Variants in CCSER2 observed in about 807,000 individuals in gnomAD.
The protein encoded by CCSER2 is serine-rich coiled-coil domain-containing protein 2.
In CCSER2, 46 loss-of-function variants were observed where a neutral mutation model predicts 92.3. The observed-to-expected ratio is 0.50, with a 90% confidence interval of 0.39 to 0.64. The LOEUF (loss-of-function observed/expected upper bound fraction) is 0.64. Among genes scored for constraint, CCSER2 ranks in the 30% least tolerant of loss-of-function variants. The pLI, the probability that CCSER2 is intolerant of heterozygous loss-of-function variation, is 0.00. For missense variants in CCSER2, 1,244 were observed against 1,238.9 expected (o/e 1.00, Z -0.06); for synonymous variants, 433 against 431.4 (o/e 1.00, Z -0.04).
intron 9 of CCSER2, among the ~76,000 whole-genome samples, chr10:84,506,141 T>TA (rs3044062): frequency 0.21 from 30,844 of 145,828 alleles, 3,421 homozygotes; most frequent in Admixed American, 0.34. Flanking sequence ...CTTTGATACT[T>TA]AAAAAAAAAA....
In CCSER2 at chr10:84,371,550, C is replaced by CA; in HGVS notation, c.500dup (p.Asn167LysfsTer18). 6.2e-7 allele frequency: 1 copy of CA among 1,613,674 alleles called. No individual in the cohort carries two copies. Among genetic ancestry groups the CA allele is most frequent in the Non-Finnish European group, 8.5e-7 (1 of 1,179,776 alleles). On this transcript the variant is annotated frameshift_variant, in exon 2 of 10. Transcript: ENST00000372088. LOFTEE classifies it high-confidence loss of function. ...TAGGAAGGACTTCATATTCTTCGAT[C>CA]AATACTCCAAAATCACAGTTGAATG...
In CCSER2 at chr10:84,441,734, ATGTTTTTTTTTTTTTTTTTTTTTTT is replaced by A. The variant is rs1437355484; in HGVS notation, c.2064+3029_2064+3053del. On this transcript the variant is annotated intron_variant, in intron 6 of 9. Transcript: ENST00000372088. ...GGGAATAAAGTAGAAGACTGGGAAA[ATGTTTTTTTTTTTTTTTTTTTTTTT>A]TTTTTTTTTTTTTTTTTGAGACGAA... Among the ~76,000 whole-genome samples the A allele has an allele frequency of 2.5e-4, 27 of 106,450 alleles. 2 individuals are homozygous for A. Among genetic ancestry groups the A allele is most frequent in the East Asian group, 1.1e-3 (4 of 3,800 alleles). The allele number at this position is 106,450 out of a possible 152,430, so 69.8% of individuals were successfully genotyped here.
chr10:84,391,260 A>T, intron 3 of CCSER2: 2 of 1,424,740 alleles, frequency 1.4e-6, no homozygotes, highest in Non-Finnish European at 9.9e-7. Context: ...AACAATGCTC[A>T]ACCAGATCAA....
chr10:84,501,364 C>T (rs961463267), intron 9 of CCSER2, among the ~76,000 whole-genome samples: 3 of 152,094 alleles, frequency 2.0e-5, no homozygotes, highest in Non-Finnish European at 2.9e-5. Context: ...ATTAGCACAC[C>T]CACCTGTGTA....
At chr10:84,488,752 G>A (rs1021730320) in intron 9 of CCSER2, among the ~76,000 whole-genome samples, 1 of 152,110 alleles carries the variant, frequency 6.6e-6, no homozygotes, top group African/African-American at 2.4e-5. Context: ...GTTCTGCTCT[G>A]ATCTTAGTTA....
At chr10:84,436,634 C>CAA (rs71013322) in intron 5 of CCSER2, among the ~76,000 whole-genome samples, 17,758 of 93,568 alleles carry the variant, frequency 0.19, 1,745 homozygotes, top group East Asian at 0.34. Flanking sequence ...GACTCCGTCT[C>CAA]AAAAAAAAAA....
chr10:84,350,137 C>T (rs1436013539), intron 1 of CCSER2, among the ~76,000 whole-genome samples: 1 of 152,126 alleles, frequency 6.6e-6, no homozygotes, highest in African/African-American at 2.4e-5. Context: ...TGGGTGACAG[C>T]GAGATTCCGT....
intron 3 of CCSER2, among the ~76,000 whole-genome samples, chr10:84,413,062 T>G (rs867778580): frequency 1.3e-5 from 2 of 152,122 alleles, no homozygotes; most frequent in African/African-American, 4.8e-5. Context: ...TAGCTAGTTG[T>G]CTATTTTATT....
intron 1 of CCSER2, among the ~76,000 whole-genome samples, chr10:84,338,320 A>C (rs1327746431): frequency 5.3e-5 from 8 of 151,818 alleles, no homozygotes; most frequent in Middle Eastern, 3.4e-3. Flanking sequence ...AAAAAACCCC[A>C]AAAACAACAA....
At chr10:84,432,591 T>C (rs1285688271) in intron 5 of CCSER2, among the ~76,000 whole-genome samples, 2 of 152,270 alleles carry the variant, frequency 1.3e-5, no homozygotes, top group African/African-American at 4.8e-5. Flanking sequence ...TATTCTCTTG[T>C]TGAGTTTTAA....
intron 5 of CCSER2, among the ~76,000 whole-genome samples, chr10:84,436,313 G>C (rs1844126674): frequency 1.1e-5 from 1 of 93,286 alleles, no homozygotes; most frequent in Non-Finnish European, 1.9e-5. Context: ...GCGACAGAGC[G>C]AGACTCCGTC....
At chr10:84,361,056 C>T (rs1175012417) in intron 1 of CCSER2, among the ~76,000 whole-genome samples, 1 of 152,122 alleles carries the variant, frequency 6.6e-6, no homozygotes, top group African/African-American at 2.4e-5. Flanking sequence ...CAGAAGGAGG[C>T]AGGGAAGTGA....
At chr10:84,474,025 C>T (rs756430803) in intron 8 of CCSER2, among the ~76,000 whole-genome samples, 9 of 152,164 alleles carry the variant, frequency 5.9e-5, no homozygotes, top group East Asian at 1.9e-4. Context: ...CAGATTGCAG[C>T]GCTCTGAGAA....
intron 5 of CCSER2, among the ~76,000 whole-genome samples, chr10:84,430,910 A>G (rs942191281): frequency 1.3e-5 from 2 of 152,204 alleles, no homozygotes; most frequent in Non-Finnish European, 2.9e-5. Context: ...TTATTCTGGC[A>G]GTGTTTCTCT....
At chr10:84,501,708 A>G (rs577087530) in intron 9 of CCSER2, among the ~76,000 whole-genome samples, 3 of 142,034 alleles carry the variant, frequency 2.1e-5, no homozygotes, top group Admixed American at 7.2e-5. Context: ...CAATACTAGT[A>G]AGACCTGCTT....
At chr10:84,457,286 T>TAACATATTATATATAA (rs1304320408) in intron 6 of CCSER2, among the ~76,000 whole-genome samples, 1 of 72,376 alleles carries the variant, frequency 1.4e-5, no homozygotes, top group Non-Finnish European at 2.4e-5. Flanking sequence ...ATATTATATA[T>TAACATATTATATATAA]TATATATTAT....
chr10:84,434,336 T>A (rs1843975466), intron 5 of CCSER2, among the ~76,000 whole-genome samples: 1 of 152,190 alleles, frequency 6.6e-6, no homozygotes, highest in Non-Finnish European at 1.5e-5. Flanking sequence ...CTCCCTCCTA[T>A]CTTCATAGTC....
In CCSER2 at chr10:84,514,223, G is replaced by A; in HGVS notation, c.3100G>A (p.Ala1034Thr). 1.3e-6 allele frequency: 2 copies of A among 1,536,414 alleles called. No individual in the cohort carries two copies. The highest frequency in any genetic ancestry group is 1.2e-5 in the South Asian group (1 of 84,058). The change falls in exon 10 of 10, where the codon GCC becomes ACC. Residue 1034 changes from alanine to threonine, a missense_variant. Physicochemically the swap from Ala to Thr is moderately conservative, Grantham distance 58. Transcript: ENST00000372088. ...NGNLHSGDCL[A>T]SNRYSRLPKP... ...CAATTTGCATTCTGGGGATTGTTTG[G>A]CCTCTAATCGATATTCTCGTCTTCC...
At chr10:84,347,594 G>C (rs1844587034) in intron 1 of CCSER2, among the ~76,000 whole-genome samples, 1 of 151,580 alleles carries the variant, frequency 6.6e-6, no homozygotes, top group South Asian at 2.1e-4. Flanking sequence ...TGGCCTGGCG[G>C]GGGCTGACCC....
Sources: allele counts gnomAD v4.1 joint callset (sites outside exome capture counted in the v4.1 genomes callset), GRCh38; gene constraint gnomAD v4.1.1; transcripts MANE v1.5; gene names NCBI Gene and HGNC (gene_info 2026-07-23, HGNC 2026-07-21).